The following CEP63 variants were observed in gnomAD, a reference collection of about 807,000 sequenced individuals.
CEP63 encodes centrosomal protein of 63 kDa.
In CEP63, 84 loss-of-function variants were observed where a neutral mutation model predicts 89.1. The ratio of observed to expected loss-of-function variants is 0.94; its 90% CI spans 0.79 to 1.13. The LOEUF is 1.13. Among genes scored for constraint, CEP63 ranks in the 50% most tolerant of loss-of-function variants. CEP63 has a pLI of 0.00. For missense variants in CEP63, 838 were observed against 813.3 expected (o/e 1.03, Z -0.37); for synonymous variants, 267 against 272.5 (o/e 0.98, Z 0.20).
the CEP63 span, among the ~76,000 whole-genome samples, chr3:134,701,814 A>G: frequency 6.6e-6 from 1 of 152,188 alleles, no homozygotes; most frequent in East Asian, 1.9e-4. Flanking sequence ...ACATAATCCT[A>G]TATCTAGAAA....
intron 12 of CEP63, chr3:134,552,260 A>C: frequency 3.4e-6 from 1 of 292,918 alleles, no homozygotes; most frequent in Non-Finnish European, 6.6e-6. Context: ...CTGGAGTGCA[A>C]TGGCGTGATC....
chr3:134,709,249 G>C, the CEP63 span, among the ~76,000 whole-genome samples: 2 of 152,132 alleles, frequency 1.3e-5, no homozygotes, highest in African/African-American at 4.8e-5. Context: ...GGCTCCAGAT[G>C]CTCTAGTCCC....
the CEP63 span, among the ~76,000 whole-genome samples, chr3:134,749,439 C>T: frequency 0.011 from 1,628 of 151,792 alleles, 26 homozygotes; most frequent in African/African-American, 0.037. Flanking sequence ...AATGATTCAG[C>T]GGAGAGCCAA....
At chr3:134,712,356 T>G in the CEP63 span, among the ~76,000 whole-genome samples, 1 of 150,200 alleles carries the variant, frequency 6.7e-6, no homozygotes, top group African/African-American at 2.4e-5. Context: ...CCTGAATTAA[T>G]AATTTTATTT....
the CEP63 span, among the ~76,000 whole-genome samples, chr3:134,698,247 A>G: frequency 2.0e-5 from 3 of 152,238 alleles, no homozygotes; most frequent in African/African-American, 4.8e-5. Flanking sequence ...GATCAGCTCT[A>G]GGGCTTGGTA....
At chr3:134,778,371 A>G in the CEP63 span, among the ~76,000 whole-genome samples, 3 of 152,200 alleles carry the variant, frequency 2.0e-5, no homozygotes, top group African/African-American at 7.2e-5. Flanking sequence ...TGCTTGAATT[A>G]TAGGCATCAG....
In CEP63 at chr3:134,549,095, G is replaced by A. The variant is rs1954246845; in HGVS notation, c.1101G>A (p.Leu367=). Residue 367 remains leucine (L), a synonymous_variant, in exon 10 of 15, where the codon CTG becomes CTA. Transcript: ENST00000675561. ...LESVSATCKQ[L]SQELMEKYEE... ...CTGTGAGTGCAACGTGTAAACAGCTGAGCCAAGAACTAATGGAAAAATATG... is the reference window on the plus strand; with the variant it reads ...CTGTGAGTGCAACGTGTAAACAGCTAAGCCAAGAACTAATGGAAAAATATG... The A allele has an allele frequency of 6.2e-7, 1 of 1,613,352 alleles. No individual in the cohort carries two copies.
chr3:134,580,527 A>G (rs112223964), intron 10 of CEP63, among the ~76,000 whole-genome samples: 9 of 152,368 alleles, frequency 5.9e-5, no homozygotes, highest in African/African-American at 2.2e-4. Context: ...TGTAGAAAGT[A>G]GAAGAGAATT....
chr3:134,723,118 T>C, the CEP63 span, among the ~76,000 whole-genome samples: 1 of 152,232 alleles, frequency 6.6e-6, no homozygotes, highest in African/African-American at 2.4e-5. Flanking sequence ...CACTCATCTG[T>C]CATCTGTTCT....
At chr3:134,544,495 A>G (rs1036631512) in intron 6 of CEP63, among the ~76,000 whole-genome samples, 5 of 152,128 alleles carry the variant, frequency 3.3e-5, no homozygotes, top group African/African-American at 1.2e-4. Flanking sequence ...CTCCTCCCTT[A>G]TAAGCACCTT....
In CEP63 at chr3:134,512,606, C is replaced by T. The variant is rs572719072; in HGVS notation, c.222+5320C>T. 5.5e-3 allele frequency among the ~76,000 whole-genome samples: 835 copies of T among 152,252 alleles called. 7 individuals carry two copies. The highest frequency in any genetic ancestry group is 0.019 in the African/African-American group (778 of 41,552). ...CACCCCTCTGAACCTAGGATTCTTA[C>T]TTCTGTGAGGAGTAATTTCAAGCCT... On this transcript the variant is annotated intron_variant, in intron 3 of 14. Transcript: ENST00000675561.
the CEP63 span, among the ~76,000 whole-genome samples, chr3:134,737,359 T>C: frequency 6.6e-6 from 1 of 152,112 alleles, no homozygotes; most frequent in Non-Finnish European, 1.5e-5. Flanking sequence ...GGTGAATTGA[T>C]AAGCCAGAGA....
At chr3:134,764,979 TA>T in the CEP63 span, among the ~76,000 whole-genome samples, 3 of 152,198 alleles carry the variant, frequency 2.0e-5, no homozygotes, top group Non-Finnish European at 2.9e-5. Flanking sequence ...GGTCTCATTA[TA>T]TGACAGTACA....
At chr3:134,761,409 C>A in the CEP63 span, among the ~76,000 whole-genome samples, 5 of 152,226 alleles carry the variant, frequency 3.3e-5, no homozygotes, top group African/African-American at 1.2e-4. Flanking sequence ...GAAAGGCATG[C>A]GTGGAGCCCC....
chr3:134,626,754 T>A, the CEP63 span, among the ~76,000 whole-genome samples: 2 of 152,178 alleles, frequency 1.3e-5, no homozygotes, highest in African/African-American at 4.8e-5. Context: ...AGCTGACCAA[T>A]ATTTGGGCCC....
At position 134,559,249 on chromosome 3, in the gene CEP63, C is replaced by T; in HGVS notation, c.1773C>T (p.Pro591=). Residue 591 remains proline (P), a synonymous_variant, in exon 14 of 15, where the codon CCC becomes CCT. Coordinates refer to ENST00000675561, the MANE Select transcript of CEP63 (RefSeq NM_001353108.3). ...PRGQASDSIN[P]MSRVLSPLSP... Reference sequence around the variant, plus strand: ...GACAAGCGTCGGATAGTATAAACCCCATGTCTAGGGTGCTAAGCCCCCTGA... The same window carrying T: ...GACAAGCGTCGGATAGTATAAACCCTATGTCTAGGGTGCTAAGCCCCCTGA... 6.2e-7 allele frequency: 1 copy of T among 1,614,140 alleles called. No homozygotes were observed. Among genetic ancestry groups the T allele is most frequent in the South Asian group, 1.1e-5 (1 of 91,080 alleles).
At chr3:134,741,099 C>G in the CEP63 span, among the ~76,000 whole-genome samples, 4 of 152,126 alleles carry the variant, frequency 2.6e-5, no homozygotes, top group Non-Finnish European at 5.9e-5. Flanking sequence ...TCAAAACGCT[C>G]TCAACAGATG....
chr3:134,754,867 A>G, the CEP63 span, among the ~76,000 whole-genome samples: 6 of 152,212 alleles, frequency 3.9e-5, no homozygotes, highest in East Asian at 1.9e-4. Context: ...CCCTAGCCCA[A>G]TGAGTAAATG....
Position 134,495,289 on chromosome 3 carries a change from T to C in CEP63, c.-25-7T>C. 1 of 1,606,656 alleles carries C rather than the reference T, an allele frequency of 6.2e-7. No individual in the cohort carries two copies. The highest frequency in any genetic ancestry group is 1.1e-5 in the South Asian group (1 of 90,898). On this transcript the variant is annotated splice_polypyrimidine_tract_variant and splice_region_variant and intron_variant, in intron 1 of 14. Transcript: ENST00000675561. ...TGTCTCATGACTGATATTTTTTTCT[T>C]TGTCAGTTGCCAAAACAAAGGGGAT...
Sources: gnomAD v4.1 joint callset for allele counts (sites outside exome capture counted in the v4.1 genomes callset) on GRCh38, gnomAD v4.1.1 for gene constraint, MANE v1.5 for transcripts, NCBI Gene and HGNC (gene_info 2026-07-23, HGNC 2026-07-21) for gene names.